Variants in PITPNC1 observed in about 807,000 individuals in gnomAD.
The protein encoded by PITPNC1 is cytoplasmic phosphatidylinositol transfer protein 1.
Under a neutral mutation model 44.7 loss-of-function variants are expected in PITPNC1, and 18 were observed. The observed-to-expected ratio is 0.40, with a 90% CI of 0.28 to 0.60. The LOEUF (loss-of-function observed/expected upper bound fraction) is 0.60. Among genes scored for constraint, PITPNC1 ranks in the 20% least tolerant of loss-of-function variants. The pLI is 0.39. For synonymous variants in PITPNC1, 141 were observed against 149.6 expected, an observed-to-expected ratio of 0.94 and a Z score of 0.42; for missense variants, 290 against 418.4, an observed-to-expected ratio of 0.69 and a Z score of 2.68.
intron 1 of PITPNC1, among the ~76,000 whole-genome samples, chr17:67,428,549 AAAAG>A (rs1348657198): frequency 3.6e-3 from 543 of 151,744 alleles, no homozygotes; most frequent in African/African-American, 0.01. Flanking sequence ...AAAAAAAAAA[AAAAG>A]AAAGAAAGAA....
intron 1 of PITPNC1, among the ~76,000 whole-genome samples, chr17:67,488,572 A>C (rs1342401471): frequency 1.3e-5 from 2 of 152,220 alleles, no homozygotes; most frequent in Non-Finnish European, 2.9e-5. Flanking sequence ...CACTTTTCCA[A>C]ATGGAGATAA....
At chr17:67,394,160 G>A (rs982001593) in intron 1 of PITPNC1, among the ~76,000 whole-genome samples, 1 of 151,976 alleles carries the variant, frequency 6.6e-6, no homozygotes, top group Non-Finnish European at 1.5e-5. Flanking sequence ...TAAAGAGGGA[G>A]TTTAGTACTG....
intron 6 of PITPNC1, among the ~76,000 whole-genome samples, chr17:67,645,068 C>T (rs1323399699): frequency 3.9e-5 from 6 of 152,024 alleles, no homozygotes; most frequent in African/African-American, 9.7e-5. Context: ...TGGCCAGGCG[C>T]GGTGGCTCAT....
chr17:67,446,914 A>G (rs1353152298), intron 1 of PITPNC1, among the ~76,000 whole-genome samples: 2 of 151,416 alleles, frequency 1.3e-5, no homozygotes, highest in African/African-American at 2.4e-5. Context: ...ACATGGTGAA[A>G]CCCCATCTCT....
intron 4 of PITPNC1, among the ~76,000 whole-genome samples, chr17:67,559,366 A>G (rs1281505967): frequency 6.6e-6 from 1 of 152,264 alleles, no homozygotes; most frequent in Admixed American, 6.5e-5. Flanking sequence ...AAAGTCCCTA[A>G]GAGTCCCTTC....
intron 6 of PITPNC1, among the ~76,000 whole-genome samples, chr17:67,653,575 C>T (rs1415543071): frequency 2.0e-5 from 3 of 152,176 alleles, no homozygotes; most frequent in Admixed American, 6.5e-5. Flanking sequence ...ATACTTGATA[C>T]AGCAGGAAAC....
intron 5 of PITPNC1, among the ~76,000 whole-genome samples, chr17:67,592,980 G>A (rs1345365835): frequency 6.6e-6 from 1 of 152,210 alleles, no homozygotes; most frequent in African/African-American, 2.4e-5. Flanking sequence ...CAAAACTGCA[G>A]TGAGTCATGA....
In PITPNC1 at chr17:67,696,197, C is replaced by A. The variant is rs2043008649; in HGVS notation, c.*3309C>A. The A allele has an allele frequency of 6.6e-6, 1 of 152,150 alleles. No individual in the cohort carries two copies. Among genetic ancestry groups the A allele is most frequent in the Non-Finnish European group, 1.5e-5 (1 of 68,036 alleles). 9.4% of individuals were successfully genotyped at this position (152,150 alleles called of 1,614,324 possible). A position where few individuals can be genotyped will look rare whatever the true frequency, so the allele number is the denominator to read the frequency against. ...TGTGGGTATATTATGCAGACACTTA[C>A]CACAATACCTGCAAAAGTAACTGTG... On this transcript the variant is annotated 3_prime_UTR_variant, in exon 9 of 9. Coordinates refer to ENST00000581322, the MANE Select transcript of PITPNC1 (RefSeq NM_012417.4).
At position 67,647,467 on chromosome 17, in the gene PITPNC1, T is replaced by TG. The variant is rs1194265232; in HGVS notation, c.462+15229_462+15230insG. ...CATCACACCCAGCTAATTTTGGGTTTTTTTTTTTTTTTTTTTTTTTTTTTT... is the reference window on the plus strand; with the variant it reads ...CATCACACCCAGCTAATTTTGGGTTTGTTTTTTTTTTTTTTTTTTTTTTTTT... On this transcript the variant is annotated intron_variant, in intron 6 of 8. Coordinates refer to ENST00000581322, the MANE Select transcript of PITPNC1 (RefSeq NM_012417.4). Among the ~76,000 whole-genome samples the TG allele has an allele frequency of 1.4e-4, 9 of 63,732 alleles. No individual in the cohort carries two copies. The East Asian group carries it at 1.5e-3, about 10-fold the overall frequency. 41.8% of individuals were successfully genotyped at this position (63,732 alleles called of 152,430 possible). A position where few individuals can be genotyped will look rare whatever the true frequency, so the allele number is the denominator to read the frequency against.
In PITPNC1 at chr17:67,694,934, CATT is replaced by C. The variant is rs1026670346; in HGVS notation, c.*2050_*2052del. Reference sequence around the variant, plus strand: ...AGCTAAAATCAAGGTGGGATGGGGTCATTATTTTCACATAGAATGTATTTATTT... The same window carrying C: ...AGCTAAAATCAAGGTGGGATGGGGTCATTTTCACATAGAATGTATTTATTT... On this transcript the variant is annotated 3_prime_UTR_variant, in exon 9 of 9. Coordinates refer to ENST00000581322, the MANE Select transcript of PITPNC1 (RefSeq NM_012417.4). 1 of 152,120 alleles carries C rather than the reference CATT, an allele frequency of 6.6e-6. No homozygotes were observed. The highest frequency in any genetic ancestry group is 6.5e-5 in the Admixed American group (1 of 15,272). 9.4% of individuals were successfully genotyped at this position (152,120 alleles called of 1,614,324 possible).
At chr17:67,662,271 T>G (rs1178170880) in intron 6 of PITPNC1, among the ~76,000 whole-genome samples, 1 of 151,854 alleles carries the variant, frequency 6.6e-6, no homozygotes, top group Non-Finnish European at 1.5e-5. Context: ...CTGGCCAACA[T>G]GGTGAAATCT....
At chr17:67,559,635 C>T (rs924348350) in intron 4 of PITPNC1, among the ~76,000 whole-genome samples, 6 of 152,258 alleles carry the variant, frequency 3.9e-5, no homozygotes, top group Non-Finnish European at 5.9e-5. Flanking sequence ...GCCAGTAATC[C>T]CAGCATTTCA....
chr17:67,641,913 C>T (rs151176787), intron 6 of PITPNC1, among the ~76,000 whole-genome samples: 78 of 152,070 alleles, frequency 5.1e-4, no homozygotes, highest in African/African-American at 1.8e-3. Flanking sequence ...CTGCAAGAAA[C>T]AGCCATAGAT....
intron 1 of PITPNC1, among the ~76,000 whole-genome samples, chr17:67,481,513 A>G (rs1042012749): frequency 6.6e-6 from 1 of 152,058 alleles, no homozygotes; most frequent in Admixed American, 6.5e-5. Flanking sequence ...TGATTTTCAA[A>G]TTTTTTTTAG....
At chr17:67,532,758 C>T in intron 1 of PITPNC1, 44 bp from the exon 2 acceptor site, 8 of 1,492,856 alleles carry the variant, frequency 5.4e-6, no homozygotes, top group South Asian at 1.3e-5. Flanking sequence ...ATGTCAGGGG[C>T]ACGCTGTGGG....
At chr17:67,677,496 G>A (rs796916280) in intron 8 of PITPNC1, among the ~76,000 whole-genome samples, 5 of 152,058 alleles carry the variant, frequency 3.3e-5, no homozygotes, top group African/African-American at 1.2e-4. Flanking sequence ...TCTAGTAAAT[G>A]AAAGGCCAGG....
Position 67,583,901 on chromosome 17 carries a change from G to T in PITPNC1, c.366+5644G>T, listed in dbSNP as rs201559008. ...TGTGTGTGTGTGTGTGTGTGTTTGT[G>T]TGTGTGTGTGTTTGTGTTTAGTAGA... On this transcript the variant is annotated intron_variant, in intron 5 of 8. Transcript: ENST00000581322. 1.6e-3 allele frequency among the ~76,000 whole-genome samples: 228 copies of T among 139,704 alleles called. 1 individual carries two copies. In the East Asian group the frequency reaches 0.017, roughly 10 times the overall value. 91.7% of individuals were successfully genotyped at this position (139,704 alleles called of 152,430 possible). A position where few individuals can be genotyped will look rare whatever the true frequency, so the allele number is the denominator to read the frequency against.
chr17:67,587,493 C>T (rs1248303779), intron 5 of PITPNC1, among the ~76,000 whole-genome samples: 2 of 146,174 alleles, frequency 1.4e-5, no homozygotes, highest in Non-Finnish European at 2.9e-5. Context: ...GACTCTGTCT[C>T]AAAAGAAGAA....
At chr17:67,416,600 C>T (rs2038593318) in intron 1 of PITPNC1, among the ~76,000 whole-genome samples, 2 of 152,124 alleles carry the variant, frequency 1.3e-5, no homozygotes, top group South Asian at 2.1e-4. Context: ...CTGCCTGCAT[C>T]CCTTGGCCCC....
Sources: allele counts gnomAD v4.1 joint callset (sites outside exome capture counted in the v4.1 genomes callset), GRCh38; gene constraint gnomAD v4.1.1; transcripts MANE v1.5; gene names NCBI Gene and HGNC (gene_info 2026-07-23, HGNC 2026-07-21).